Variants in WDR81 observed in about 807,000 individuals in gnomAD.
WDR81 encodes WD repeat-containing protein 81.
In WDR81, 92 loss-of-function variants were observed where a neutral mutation model predicts 140.8. The ratio of observed to expected loss-of-function variants is 0.65; its 90% CI spans 0.55 to 0.78. WDR81 has a LOEUF of 0.78. WDR81 is among the 30% of genes least tolerant of loss of function. WDR81 has a pLI of 0.00. For synonymous variants in WDR81, 1,183 were observed against 1,156.4 expected, an observed-to-expected ratio of 1.02 and a Z score of -0.47; for missense variants, 2,502 against 2,636.4, an observed-to-expected ratio of 0.95 and a Z score of 1.12.
intron 1 of WDR81, among the ~76,000 whole-genome samples, chr17:1,719,319 A>T (rs185894045): frequency 4.6e-5 from 7 of 152,076 alleles, no homozygotes; most frequent in Admixed American, 1.3e-4. Flanking sequence ...AGGCTGAGGC[A>T]GGCGGATCAC....
rs1915371663 is a variant in WDR81 at position 1,727,563 on chromosome 17, C to T, written c.2604C>T (p.Ser868=). The change falls in exon 1 of 10, where the codon AGC becomes AGT. Residue 868 remains serine, a synonymous_variant. Transcript: ENST00000409644. ...PCPSQLLSPF[S]SVVPFPPYFP... ...CAAGCCAGCTTCTCAGCCCCTTCAG[C>T]TCCGTGGTTCCCTTCCCACCCTACT... The T allele has an allele frequency of 6.4e-7, 1 of 1,550,390 alleles. No homozygotes were observed. The highest frequency in any genetic ancestry group is 2.4e-5 in the East Asian group (1 of 40,930).
At chr17:1,734,779 A>G (rs1217090066) in intron 7 of WDR81, among the ~76,000 whole-genome samples, 1 of 14,958 alleles carries the variant, frequency 6.7e-5, no homozygotes, top group East Asian at 8.3e-3. Flanking sequence ...ACTCTGTCTC[A>G]AAAAAAAAAA....
In WDR81 at chr17:1,724,912, G is replaced by A; in HGVS notation, c.-48G>A. ...CACCCCGGAAGCCGTCGCCAGCAGG[G>A]CCGTGGCTGGGCTCAGCCCCGCGCT... On this transcript the variant is annotated 5_prime_UTR_variant, in exon 1 of 10. Coordinates refer to ENST00000409644, the MANE Select transcript of WDR81 (RefSeq NM_001163809.2). 1 of 1,317,040 alleles carries A rather than the reference G, an allele frequency of 7.6e-7. No homozygotes were observed. Among genetic ancestry groups the A allele is most frequent in the South Asian group, 2.2e-5 (1 of 44,592 alleles). 81.6% of individuals were successfully genotyped at this position (1,317,040 alleles called of 1,614,324 possible). A position where few individuals can be genotyped will look rare whatever the true frequency, so the allele number is the denominator to read the frequency against.
intron 1 of WDR81, among the ~76,000 whole-genome samples, chr17:1,718,942 G>A (rs1372598592): frequency 1.3e-5 from 2 of 152,060 alleles, no homozygotes; most frequent in Non-Finnish European, 2.9e-5. Flanking sequence ...AATTTCTTGT[G>A]GGAGGGCTAC....
At chr17:1,732,209 C>T in intron 4 of WDR81, 116 bp from the exon 5 acceptor site, 1 of 1,413,984 alleles carries the variant, frequency 7.1e-7, no homozygotes, top group South Asian at 1.4e-5. Context: ...TGCACTCCAG[C>T]CTGGATGACA....
chr17:1,731,667 G>C (rs576203368), intron 4 of WDR81, among the ~76,000 whole-genome samples: 71 of 152,212 alleles, frequency 4.7e-4, no homozygotes, highest in African/African-American at 1.6e-3. Context: ...ACTTTGGGGG[G>C]CCAAGGCGGG....
At position 1,738,015 on chromosome 17, in the gene WDR81, C is replaced by T. The variant is rs746301099; in HGVS notation, c.*330C>T. The T allele has an allele frequency of 6.9e-5, 28 of 407,798 alleles. No individual in the cohort carries two copies. The East Asian group carries it at 9.1e-4, about 13-fold the overall frequency. The allele number at this position is 407,798 out of a possible 1,614,324, so 25.3% of individuals were successfully genotyped here. ...GGGTCCACATGAGGACAGGGAAGCT[C>T]GGGAAGGGGAAGGGAGACTGGCCCT... On this transcript the variant is annotated 3_prime_UTR_variant, in exon 10 of 10. Transcript: ENST00000409644.
At chr17:1,723,786 G>GT (rs200700391), upstream of WDR81, among the ~76,000 whole-genome samples, 1,749 of 151,590 alleles carry the variant, frequency 0.012, 25 homozygotes, top group Middle Eastern at 0.051. Flanking sequence ...CACCCGGCCA[G>GT]TTTTGTTTTT....
chr17:1,726,531 C>T lies in WDR81; in HGVS notation c.1572C>T (p.Phe524=), dbSNP rs1464979783. 6 of 1,550,238 alleles carry T rather than the reference C, an allele frequency of 3.9e-6. No individual in the cohort carries two copies. In the Admixed American group the frequency reaches 5.9e-5, roughly 15 times the overall value. ...CCTGGTGCAGCTCCAGCCAGGAGTT[C>T]GTAGCTGCCCACCGAGCCCTGCTGG... ...VPAWCSSSQE[F]VAAHRALLES... The change falls in exon 1 of 10, where the codon TTC becomes TTT. Residue 524 remains phenylalanine, a synonymous_variant. Transcript: ENST00000409644.
Position 1,728,151 on chromosome 17 carries a change from C to T in WDR81, c.3192C>T (p.Leu1064=). ...CTCCTGCCTCCTCGGGCCTGGGGCT[C>T]CCAGACTACACGTCTGGCGTCAGCT... The part of the protein sequence containing the change: ...GEPPASSGLG[L]PDYTSGVSFH... Residue 1064 remains leucine (L), a synonymous_variant, in exon 1 of 10, where the codon CTC becomes CTT. Transcript: ENST00000409644. 6.2e-7 allele frequency: 1 copy of T among 1,607,050 alleles called. No homozygotes were observed. Among genetic ancestry groups the T allele is most frequent in the Non-Finnish European group, 8.5e-7 (1 of 1,175,780 alleles).
At chr17:1,722,876 G>A (rs1293950220), upstream of WDR81, among the ~76,000 whole-genome samples, 1 of 151,624 alleles carries the variant, frequency 6.6e-6, no homozygotes, top group African/African-American at 2.4e-5. Flanking sequence ...TGTGTTTTTA[G>A]TAGAGATGGA....
chr17:1,736,095 C>T lies in WDR81; in HGVS notation c.5382C>T (p.Ile1794=), dbSNP rs867568129. The T allele has an allele frequency of 1.2e-6, 2 of 1,602,344 alleles. No individual in the cohort carries two copies. Among genetic ancestry groups the T allele is most frequent in the African/African-American group, 1.3e-5 (1 of 75,040 alleles). ...LNPGLVRALA[I]SPSGRSVVAG... ...CTGGGCTTGTCCGTGCCCTGGCCAT[C>T]AGCCCCAGTGGCCGTAGTGTCGTGG... The change falls in exon 9 of 10, where the codon ATC becomes ATT. Residue 1794 remains isoleucine (I), a synonymous_variant. Transcript: ENST00000409644.
chr17:1,728,439 C>T lies in WDR81; in HGVS notation c.3480C>T (p.Asp1160=), dbSNP rs1215761913. 5 of 1,612,210 alleles carry T rather than the reference C, an allele frequency of 3.1e-6. 1 individual carries two copies. In the South Asian group the frequency reaches 5.5e-5, roughly 18 times the overall value. The part of the protein sequence containing the change: ...EGSEEEEEEE[D]SCVVLEEEEG... ...CCGAGGAGGAAGAGGAGGAGGAGGA[C>T]AGCTGCGTGGTGCTAGAGGAGGAGG... The change falls in exon 1 of 10, where the codon GAC becomes GAT. Residue 1160 remains aspartate (D), a synonymous_variant. Transcript: ENST00000409644.
chr17:1,720,538 A>T (rs1464178242), upstream of WDR81, among the ~76,000 whole-genome samples: 4 of 152,158 alleles, frequency 2.6e-5, no homozygotes, highest in East Asian at 1.9e-4. Flanking sequence ...GCACTTTGGG[A>T]GGCGGAGGCG....
At chr17:1,723,457 T>TTATTTTTATTTA (rs60606428), upstream of WDR81, among the ~76,000 whole-genome samples, 5,773 of 130,314 alleles carry the variant, frequency 0.044, 132 homozygotes, top group Non-Finnish European at 0.056. Context: ...ATTTATTTAT[T>TTATTTTTATTTA]TTTATTTATT....
In WDR81 at chr17:1,724,858, C is replaced by A. The variant is rs1022220684; in HGVS notation, c.-102C>A. ...GGCCGCCTCCGCCCCAGCCCCTGTC[C>A]CGCGCCCATCCCAGCCCCGCCGGCC... On this transcript the variant is annotated 5_prime_UTR_variant, in exon 1 of 10. Coordinates refer to ENST00000409644, the MANE Select transcript of WDR81 (RefSeq NM_001163809.2). The A allele has an allele frequency of 1.6e-6, 2 of 1,243,102 alleles. No individual in the cohort carries two copies. The highest frequency in any genetic ancestry group is 3.1e-5 in the African/African-American group (2 of 64,158). The allele number at this position is 1,243,102 out of a possible 1,614,324, so 77.0% of individuals were successfully genotyped here.
intron 9 of WDR81, 79 bp downstream of exon 9, chr17:1,736,297 G>T: frequency 6.7e-7 from 1 of 1,500,176 alleles, no homozygotes; most frequent in South Asian, 1.3e-5. Flanking sequence ...GGGTCTGCCT[G>T]CCCGGGTTCA....
At chr17:1,723,539 A>G (rs1390088918), upstream of WDR81, among the ~76,000 whole-genome samples, 3 of 147,896 alleles carry the variant, frequency 2.0e-5, no homozygotes, top group East Asian at 5.9e-4. Context: ...AGGTTGGAGT[A>G]CAGTGGCGCC....
upstream of WDR81, among the ~76,000 whole-genome samples, chr17:1,721,754 C>T (rs1278223484): frequency 2.0e-5 from 3 of 150,218 alleles, no homozygotes; most frequent in Non-Finnish European, 2.9e-5. Context: ...CCTGGAAGGT[C>T]GAGGCTGCAG....
Sources: allele counts gnomAD v4.1 joint callset (sites outside exome capture counted in the v4.1 genomes callset), GRCh38; gene constraint gnomAD v4.1.1; transcripts MANE v1.5; gene names NCBI Gene and HGNC (gene_info 2026-07-23, HGNC 2026-07-21).